ESR1: variants seen among roughly 807,000 people sequenced by gnomAD.
ESR1 encodes the protein estrogen receptor.
In ESR1, 12 loss-of-function variants were observed where a neutral mutation model predicts 52.7. The ratio of observed to expected loss-of-function variants is 0.23; its 90% CI spans 0.15 to 0.37. The LOEUF is 0.37. Ranked by LOEUF, ESR1 falls within the 10% of genes least tolerant of loss-of-function variation. ESR1 has a pLI of 1.00. For missense variants in ESR1, 584 were observed against 779.7 expected (o/e 0.75, Z 2.99); for synonymous variants, 305 against 316.8 (o/e 0.96, Z 0.39).
intron 1 of ESR1, among the ~76,000 whole-genome samples, chr6:151,681,160 C>T (rs945898169): frequency 2.6e-5 from 4 of 152,156 alleles, no homozygotes; most frequent in African/African-American, 9.7e-5. Flanking sequence ...GTCCCCAGCT[C>T]GTCTTCTGAA....
chr6:151,987,332 C>T (rs776401371), intron 4 of ESR1, among the ~76,000 whole-genome samples: 3 of 152,084 alleles, frequency 2.0e-5, no homozygotes, highest in Non-Finnish European at 2.9e-5. Flanking sequence ...AATCTCCGCT[C>T]GCTGCAACCT....
chr6:151,786,924 C>T (rs1787085799), intron 2 of ESR1, among the ~76,000 whole-genome samples: 1 of 152,188 alleles, frequency 6.6e-6, no homozygotes. Flanking sequence ...ATTCCCCTGC[C>T]TCAGTCTCCC....
chr6:151,730,413 C>T (rs1224472241), intron 2 of ESR1, among the ~76,000 whole-genome samples: 1 of 152,070 alleles, frequency 6.6e-6, no homozygotes, highest in African/African-American at 2.4e-5. Flanking sequence ...TCTGGTCTGG[C>T]CTCCCATTTT....
chr6:152,059,365 G>A (rs1302049067), intron 5 of ESR1, among the ~76,000 whole-genome samples: 1 of 151,508 alleles, frequency 6.6e-6, no homozygotes, highest in East Asian at 1.9e-4. Flanking sequence ...TAATGTTCTA[G>A]AGGAATAAAT....
At chr6:151,723,155 G>A (rs74422353) in intron 2 of ESR1, among the ~76,000 whole-genome samples, 3 of 152,062 alleles carry the variant, frequency 2.0e-5, no homozygotes, top group Admixed American at 1.3e-4. Flanking sequence ...CTCACAAGTG[G>A]GAGCTATTAA....
intron 1 of ESR1, among the ~76,000 whole-genome samples, chr6:151,836,530 C>CT (rs1286631512): frequency 6.6e-6 from 1 of 152,112 alleles, no homozygotes; most frequent in African/African-American, 2.4e-5. Flanking sequence ...ATTATGGAAG[C>CT]TACAATTCAA....
chr6:151,959,661 G>A (rs1182248771), intron 4 of ESR1, among the ~76,000 whole-genome samples: 1 of 152,020 alleles, frequency 6.6e-6, no homozygotes, highest in Non-Finnish European at 1.5e-5. Flanking sequence ...ATGCACCCAG[G>A]AAGCCTGACA....
chr6:152,120,146 A>C (rs766691472), intron 6 of ESR1, among the ~76,000 whole-genome samples: 27 of 152,288 alleles, frequency 1.8e-4, no homozygotes, highest in Middle Eastern at 3.4e-3. Context: ...TGATGTGGAG[A>C]AGAAATGCTT....
chr6:151,984,267 A>C (rs1427715208), intron 4 of ESR1: 1 of 152,036 alleles, frequency 6.6e-6, no homozygotes, highest in Admixed American at 6.6e-5. Flanking sequence ...GTTTCTATTA[A>C]GGCTACTTCC....
chr6:151,744,675 T>C (rs960122532), intron 2 of ESR1, among the ~76,000 whole-genome samples: 1 of 152,224 alleles, frequency 6.6e-6, no homozygotes, highest in Admixed American at 6.5e-5. Context: ...CTTTTCACTT[T>C]CTTGATAGTG....
intron 1 of ESR1, among the ~76,000 whole-genome samples, chr6:151,842,336 A>T (rs1367049006): frequency 2.0e-5 from 3 of 152,156 alleles, no homozygotes; most frequent in Non-Finnish European, 2.9e-5. Flanking sequence ...AGCTAATTTC[A>T]TTTTGTCATT....
intron 3 of ESR1, among the ~76,000 whole-genome samples, chr6:151,915,062 T>G (rs1798839546): frequency 6.6e-6 from 1 of 152,026 alleles, no homozygotes; most frequent in Non-Finnish European, 1.5e-5. Flanking sequence ...TATTTCTAAT[T>G]CAGTTATAAA....
intron 2 of ESR1, among the ~76,000 whole-genome samples, chr6:151,878,248 A>G (rs535516030): frequency 3.3e-5 from 5 of 152,366 alleles, no homozygotes; most frequent in African/African-American, 4.8e-5. Flanking sequence ...ATCTGCACAG[A>G]TAAGTTTTGT....
chr6:152,063,646 A>G (rs3798570), intron 6 of ESR1, among the ~76,000 whole-genome samples: 33,868 of 151,904 alleles, frequency 0.22, 5,538 homozygotes, highest in African/African-American at 0.45. Flanking sequence ...GGAGATATGG[A>G]TTTTTCTAAA....
intron 4 of ESR1, among the ~76,000 whole-genome samples, chr6:151,985,521 A>ACAAAAAAAC (rs1562632924): frequency 7.9e-6 from 1 of 126,876 alleles, no homozygotes; most frequent in African/African-American, 3.8e-5. Context: ...AAAAAAAAAA[A>ACAAAAAAAC]AAAAAAAAAA....
chr6:151,875,435 G>T (rs996453160), intron 2 of ESR1, among the ~76,000 whole-genome samples: 1 of 152,148 alleles, frequency 6.6e-6, no homozygotes, highest in African/African-American at 2.4e-5. Flanking sequence ...TCTCAGTATT[G>T]TTCAGATATT....
intron 2 of ESR1, among the ~76,000 whole-genome samples, chr6:151,722,146 A>C (rs1315223174): frequency 6.6e-6 from 1 of 152,250 alleles, no homozygotes; most frequent in African/African-American, 2.4e-5. Context: ...GGATGGGGAC[A>C]GCCCCTGAAC....
At chr6:151,928,594 T>C (rs933918330) in intron 3 of ESR1, among the ~76,000 whole-genome samples, 8 of 152,062 alleles carry the variant, frequency 5.3e-5, no homozygotes, top group African/African-American at 1.9e-4. Context: ...TCTCTTCTGC[T>C]TGCTTTAAGC....
chr6:151,857,763 A>G (rs1203523724), intron 2 of ESR1, among the ~76,000 whole-genome samples: 3 of 152,080 alleles, frequency 2.0e-5, no homozygotes, highest in African/African-American at 7.2e-5. Context: ...TCCTGACCTC[A>G]AGTGATTTGC....
Sources: gnomAD v4.1 joint callset for allele counts (sites outside exome capture counted in the v4.1 genomes callset) on GRCh38, gnomAD v4.1.1 for gene constraint, MANE v1.5 for transcripts, NCBI Gene and HGNC (gene_info 2026-07-23, HGNC 2026-07-21) for gene names.